The following COA1 variants were observed in gnomAD, a reference collection of about 807,000 sequenced individuals.
The protein encoded by COA1 is cytochrome c oxidase assembly factor 1 homolog.
A neutral mutation model predicts 16.0 loss-of-function variants in COA1; 13 were observed. The observed-to-expected ratio is 0.81, with a 90% confidence interval of 0.53 to 1.29. COA1 has a LOEUF of 1.29. Ranked by LOEUF, COA1 falls within the 50% of genes most tolerant of loss-of-function variation. The pLI is 0.00. For synonymous variants in COA1, 65 were observed against 65.7 expected, an observed-to-expected ratio of 0.99 and a Z score of 0.05; for missense variants, 179 against 177.0, an observed-to-expected ratio of 1.01 and a Z score of -0.06.
chr7:43,728,821 G>C (rs1346534088), intron 1 of COA1, among the ~76,000 whole-genome samples: 2 of 152,134 alleles, frequency 1.3e-5, no homozygotes, highest in African/African-American at 4.8e-5. Context: ...GGAGAAACAG[G>C]TTATCAAATT....
rs184652443 is a variant in COA1 at position 43,669,526 on chromosome 7, G to A, written c.-38-20874C>T. ...GCATATTAAAAAGCTAGGGTGGGAG[G>A]GCCAGTTTTTTCCGCGGGCTACGTG... On this transcript the variant is annotated intron_variant, in intron 1 of 5. Coordinates refer to ENST00000223336, the MANE Select transcript of COA1 (RefSeq NM_018224.4). Among the ~76,000 whole-genome samples the A allele has an allele frequency of 5.8e-3, 887 of 152,076 alleles. 4 individuals carry two copies. Among genetic ancestry groups the A allele is most frequent in the Non-Finnish European group, 9.9e-3 (671 of 67,982 alleles).
intron 6 of COA1, among the ~76,000 whole-genome samples, chr7:43,621,849 C>T (rs2083924505): frequency 7.2e-6 from 1 of 139,354 alleles, no homozygotes; most frequent in East Asian, 2.1e-4. Flanking sequence ...AAGGGACTCT[C>T]CTCTTTTTCC....
chr7:43,634,749 C>G (rs2085582595), downstream of COA1, among the ~76,000 whole-genome samples: 1 of 152,188 alleles, frequency 6.6e-6, no homozygotes. Flanking sequence ...AGGGCAGTTA[C>G]TTCTTAGAGT....
At chr7:43,625,134 A>G (rs1411671648) in intron 6 of COA1, 1 of 249,688 alleles carries the variant, frequency 4.0e-6, no homozygotes, top group African/African-American at 2.3e-5. Context: ...GTGTACAAAG[A>G]TATTTGTATT....
chr7:43,631,534 A>G (rs989199982), intron 6 of COA1: 3 of 152,250 alleles, frequency 2.0e-5, no homozygotes, highest in Non-Finnish European at 4.4e-5. Flanking sequence ...CCACAAGTTG[A>G]TAGTTCTTCT....
rs568267245 is a variant in COA1, at chr7:43,679,004, C to T, written c.-38-30352G>A. Among the ~76,000 whole-genome samples the T allele has an allele frequency of 5.3e-5, 8 of 152,198 alleles. No individual in the cohort carries two copies. In the East Asian group the frequency reaches 1.2e-3, roughly 22 times the overall value. Reference sequence around the variant, plus strand: ...ATTTATAAGTATCTTGAGGGCCAGGCGTGGTGGCTCACGCCTGTAATCCCA... The same window carrying T: ...ATTTATAAGTATCTTGAGGGCCAGGTGTGGTGGCTCACGCCTGTAATCCCA... On this transcript the variant is annotated intron_variant, in intron 1 of 5. Transcript: ENST00000223336.
intron 1 of COA1, among the ~76,000 whole-genome samples, chr7:43,692,366 A>T (rs1202922790): frequency 1.3e-5 from 2 of 152,078 alleles, no homozygotes; most frequent in Non-Finnish European, 2.9e-5. Flanking sequence ...AAAAAATACA[A>T]ATCTTAGCCG....
At chr7:43,616,102 CAATA>C (rs2083315467) in intron 6 of COA1, among the ~76,000 whole-genome samples, 2 of 152,202 alleles carry the variant, frequency 1.3e-5, no homozygotes, top group Admixed American at 6.5e-5. Context: ...ATTAGGCAAT[CAATA>C]AATATTTGTT....
intron 3 of COA1, chr7:43,645,703 TTG>T: frequency 4.0e-6 from 1 of 247,918 alleles, no homozygotes; most frequent in Non-Finnish European, 8.1e-6. Flanking sequence ...CCTAAGAGGT[TTG>T]GTCAGCTCTT....
Position 43,619,720 on chromosome 7 carries a change from G to T in COA1, c.*134-10225C>A, listed in dbSNP as rs201447491. ...AGAAATTATGGGTACCCCTGAATAT[G>T]TGGGTAAGTATTCATAAAAGTAGTT... is the stretch of plus-strand genomic sequence containing the variant. On this transcript the variant is annotated intron_variant and NMD_transcript_variant, in intron 6 of 6. Transcript: ENST00000415076. 3 of 1,613,586 alleles carry T rather than the reference G, an allele frequency of 1.9e-6. No individual in the cohort carries two copies. The East Asian group carries it at 6.7e-5, about 36-fold the overall frequency.
chr7:43,629,191 A>G (rs1011201920), intron 6 of COA1, among the ~76,000 whole-genome samples: 6 of 152,180 alleles, frequency 3.9e-5, no homozygotes, highest in Non-Finnish European at 5.9e-5. Flanking sequence ...GTTTTGTTCC[A>G]TTCTGTTTAT....
At chr7:43,660,785 G>C (rs570435100) in intron 1 of COA1, among the ~76,000 whole-genome samples, 3 of 152,234 alleles carry the variant, frequency 2.0e-5, no homozygotes, top group African/African-American at 7.2e-5. Context: ...TTCAACCAAG[G>C]GGTTATCAAG....
At chr7:43,722,918 C>A (rs1193937298) in intron 1 of COA1, among the ~76,000 whole-genome samples, 4 of 152,134 alleles carry the variant, frequency 2.6e-5, no homozygotes, top group Non-Finnish European at 5.9e-5. Flanking sequence ...GCACCAAGAG[C>A]CCACAAGATA....
At chr7:43,645,547 T>C in intron 3 of COA1, 148 bp from the exon 4 acceptor site, 1 of 698,136 alleles carries the variant, frequency 1.4e-6, no homozygotes, top group East Asian at 2.8e-5. Flanking sequence ...CCATCTACTC[T>C]AAATTGTCCA....
chr7:43,700,705 G>T (rs2094703325), intron 1 of COA1, among the ~76,000 whole-genome samples: 1 of 151,280 alleles, frequency 6.6e-6, no homozygotes, highest in South Asian at 2.1e-4. Flanking sequence ...CTATTTTAAA[G>T]AAAAAACAAA....
chr7:43,699,916 T>C (rs1483733528), intron 1 of COA1, among the ~76,000 whole-genome samples: 1 of 152,104 alleles, frequency 6.6e-6, no homozygotes, highest in Admixed American at 6.6e-5. Flanking sequence ...TGGTTTGTCC[T>C]TTGACTTTTC....
chr7:43,683,249 T>G (rs905690490), intron 1 of COA1, among the ~76,000 whole-genome samples: 21 of 151,982 alleles, frequency 1.4e-4, no homozygotes, highest in African/African-American at 4.1e-4. Context: ...TATAGTTGTG[T>G]TTTTTTTCCT....
chr7:43,648,414 G>A (rs750702268), intron 2 of COA1, 186 bp downstream of exon 2: 17 of 726,940 alleles, frequency 2.3e-5, no homozygotes, highest in Non-Finnish European at 3.7e-5. Context: ...CATGAGACAC[G>A]AGAGAAAGAC....
intron 1 of COA1, among the ~76,000 whole-genome samples, chr7:43,687,848 T>C (rs2094110593): frequency 2.6e-5 from 4 of 152,032 alleles, no homozygotes; most frequent in African/African-American, 7.2e-5. Flanking sequence ...GGCAGTGATA[T>C]GGTTTGGCTG....
Sources: gnomAD v4.1 joint callset for allele counts (sites outside exome capture counted in the v4.1 genomes callset) on GRCh38, gnomAD v4.1.1 for gene constraint, MANE v1.5 for transcripts, NCBI Gene and HGNC (gene_info 2026-07-23, HGNC 2026-07-21) for gene names.